GALNT1: variants seen among roughly 807,000 people sequenced by gnomAD.
The protein encoded by GALNT1 is GalNAc transferase 1.
Under a neutral mutation model 65.7 loss-of-function variants are expected in GALNT1, and 17 were observed. That is an observed-to-expected ratio of 0.26 (90% CI 0.18 to 0.39). GALNT1 has a LOEUF of 0.39. Among genes scored for constraint, GALNT1 ranks in the 10% least tolerant of loss-of-function variants. The probability of loss-of-function intolerance (pLI) is 1.00; values close to 1 mark genes in which losing one functional copy is unlikely to be tolerated. For synonymous variants in GALNT1, 210 were observed against 219.7 expected, an observed-to-expected ratio of 0.96 and a Z score of 0.39; for missense variants, 460 against 672.8, an observed-to-expected ratio of 0.68 and a Z score of 3.50.
At position 35,689,154 on chromosome 18, in the gene GALNT1, T is replaced by C; in HGVS notation, c.861-19T>C. On this transcript the variant is annotated intron_variant, in intron 6 of 11. Coordinates refer to ENST00000269195, the MANE Select transcript of GALNT1 (RefSeq NM_020474.4). ...TGTAAATTTTAAATTGCTAATGGTA[T>C]AGCATTATTGAATTTCAGGACACCT... 1 of 1,447,224 alleles carries C rather than the reference T, an allele frequency of 6.9e-7. No homozygotes were observed. The highest frequency in any genetic ancestry group is 9.7e-7 in the Non-Finnish European group (1 of 1,029,436). The allele number at this position is 1,447,224 out of a possible 1,614,324, so 89.6% of individuals were successfully genotyped here. A position where few individuals can be genotyped will look rare whatever the true frequency, so the allele number is the denominator to read the frequency against.
intron 1 of GALNT1, among the ~76,000 whole-genome samples, chr18:35,622,055 A>G (rs1276955723): frequency 6.6e-6 from 1 of 152,120 alleles, no homozygotes; most frequent in African/African-American, 2.4e-5. Context: ...TTGCTCTTCC[A>G]TGTAATTTTA....
At chr18:35,644,765 C>G (rs764451418) in intron 1 of GALNT1, among the ~76,000 whole-genome samples, 1 of 152,012 alleles carries the variant, frequency 6.6e-6, no homozygotes, top group Non-Finnish European at 1.5e-5. Context: ...CTGAGGCGGG[C>G]GTATCACTTC....
chr18:35,711,311 T>C lies in GALNT1; in HGVS notation c.*1541T>C, dbSNP rs2048347391. ...TCTTTTCTTTGATTATCAAGGACTT[T>C]CACTGCAGGCAGTGCTATTTCTTGT... On this transcript the variant is annotated 3_prime_UTR_variant, in exon 12 of 12. Transcript: ENST00000269195. 1 of 152,664 alleles carries C rather than the reference T, an allele frequency of 6.6e-6. No individual in the cohort carries two copies. The highest frequency in any genetic ancestry group is 6.5e-5 in the Admixed American group (1 of 15,288). 9.5% of individuals were successfully genotyped at this position (152,664 alleles called of 1,614,324 possible).
chr18:35,651,625 G>T (rs530328078), intron 1 of GALNT1, among the ~76,000 whole-genome samples: 20 of 152,190 alleles, frequency 1.3e-4, no homozygotes, highest in African/African-American at 4.8e-4. Context: ...ACTGAGCTTT[G>T]TGTGCCTTTT....
chr18:35,705,258 C>T (rs543716157), intron 11 of GALNT1, among the ~76,000 whole-genome samples: 36 of 152,264 alleles, frequency 2.4e-4, no homozygotes, highest in Admixed American at 9.8e-4. Context: ...CTTAAGAACC[C>T]AGCTTTGACA....
At chr18:35,626,510 T>C (rs1228589650) in intron 1 of GALNT1, among the ~76,000 whole-genome samples, 1 of 152,210 alleles carries the variant, frequency 6.6e-6, no homozygotes, top group Non-Finnish European at 1.5e-5. Flanking sequence ...CTTCATTTTT[T>C]TCTTGACAGG....
rs533591183 is a variant in GALNT1 at position 35,642,913 on chromosome 18, CTGCT to C, written c.-103-11644_-103-11641del. ...TGCTCTGCCACTCATCTGTATGTCTCTGCTTGGCCACATTGTTTTTGGCTGCAAG... is the reference window on the plus strand; with the variant it reads ...TGCTCTGCCACTCATCTGTATGTCTCTGGCCACATTGTTTTTGGCTGCAAG... On this transcript the variant is annotated intron_variant, in intron 1 of 11. Coordinates refer to ENST00000269195, the MANE Select transcript of GALNT1 (RefSeq NM_020474.4). Among the ~76,000 whole-genome samples, 37 of 152,114 alleles carry C rather than the reference CTGCT, an allele frequency of 2.4e-4. 1 individual carries two copies. In the East Asian group the frequency reaches 6.8e-3, roughly 28 times the overall value.
intron 1 of GALNT1, among the ~76,000 whole-genome samples, chr18:35,651,882 A>C (rs979669499): frequency 6.6e-6 from 1 of 152,048 alleles, no homozygotes; most frequent in Non-Finnish European, 1.5e-5. Context: ...CTTTTAAACA[A>C]CTCTTTAGAA....
rs1009597245 is a variant in GALNT1, at chr18:35,691,143, A to C, written c.1110A>C (p.Ala370=). 6 of 1,611,934 alleles carry C rather than the reference A, an allele frequency of 3.7e-6. No individual in the cohort carries two copies. The highest frequency in any genetic ancestry group is 3.4e-5 in the Admixed American group (2 of 59,486). ...TCAATAAAAATAACAGACGACTTGCAGAAGTGTGGATGGATGAATTCAAGA... is the reference window on the plus strand; with the variant it reads ...TCAATAAAAATAACAGACGACTTGCCGAAGTGTGGATGGATGAATTCAAGA... ...QIINKNNRRL[A]EVWMDEFKNF... Residue 370 remains alanine (A), a synonymous_variant, in exon 8 of 12, where the codon GCA becomes GCC. Transcript: ENST00000269195.
intron 6 of GALNT1, 121 bp downstream of exon 6, chr18:35,687,307 GTAGTTAACAGCCA>G: frequency 1.3e-6 from 1 of 792,774 alleles, no homozygotes; most frequent in Non-Finnish European, 1.9e-6. Context: ...ATACCTTATG[GTAGTTAACAGCCA>G]TCTTTCACAT....
chr18:35,621,554 T>TGG (rs1411735348), intron 1 of GALNT1, among the ~76,000 whole-genome samples: 7,282 of 139,076 alleles, frequency 0.052, 363 homozygotes, highest in African/African-American at 0.095. Flanking sequence ...TTGTTCATTA[T>TGG]CTGTATGTAT....
At chr18:35,609,185 C>G (rs1219453254) in intron 1 of GALNT1, among the ~76,000 whole-genome samples, 1 of 152,110 alleles carries the variant, frequency 6.6e-6, no homozygotes, top group Non-Finnish European at 1.5e-5. Context: ...AATCTTATCC[C>G]TCTTTACTTT....
At position 35,703,568 on chromosome 18, in the gene GALNT1, C is replaced by G; in HGVS notation, c.1458C>G (p.Ser486=). ...IRTDDLCLDV[S]KLNGPVTMLK... ...CAGATGACCTTTGCTTGGATGTTTC[C>G]AAACTTAATGGCCCAGTTACAATGC... The change falls in exon 11 of 12, where the codon TCC becomes TCG. Residue 486 remains serine (S), a synonymous_variant. Transcript: ENST00000269195. 1 of 1,613,888 alleles carries G rather than the reference C, an allele frequency of 6.2e-7. No homozygotes were observed. The highest frequency in any genetic ancestry group is 1.7e-4 in the Middle Eastern group (1 of 6,060).
chr18:35,608,871 A>G (rs563835178), intron 1 of GALNT1, among the ~76,000 whole-genome samples: 4 of 152,320 alleles, frequency 2.6e-5, no homozygotes, highest in Admixed American at 6.5e-5. Context: ...ATAACTAAGC[A>G]CTAGCCATCA....
At chr18:35,637,753 A>T (rs2047109655) in intron 1 of GALNT1, among the ~76,000 whole-genome samples, 1 of 152,192 alleles carries the variant, frequency 6.6e-6, no homozygotes, top group Admixed American at 6.6e-5. Flanking sequence ...ATGCCATCTA[A>T]GACTTTCATA....
intron 2 of GALNT1, among the ~76,000 whole-genome samples, chr18:35,663,178 T>G (rs1382342330): frequency 6.6e-6 from 1 of 152,174 alleles, no homozygotes; most frequent in African/African-American, 2.4e-5. Context: ...AGCAGGAGAA[T>G]GTGAGGCACG....
intron 1 of GALNT1, among the ~76,000 whole-genome samples, chr18:35,609,150 GC>G (rs1000595635): frequency 6.6e-6 from 1 of 152,140 alleles, no homozygotes; most frequent in Non-Finnish European, 1.5e-5. Flanking sequence ...GACCTAGCTT[GC>G]CACTGGTGGT....
intron 1 of GALNT1, among the ~76,000 whole-genome samples, chr18:35,644,066 C>T (rs1014558751): frequency 6.6e-6 from 1 of 152,114 alleles, no homozygotes; most frequent in Non-Finnish European, 1.5e-5. Flanking sequence ...TTGAAACATT[C>T]GAGCCAATAA....
chr18:35,674,383 G>T (rs1442135086), intron 3 of GALNT1, among the ~76,000 whole-genome samples: 4 of 152,128 alleles, frequency 2.6e-5, no homozygotes, highest in Non-Finnish European at 5.9e-5. Context: ...TGTTGTTGTG[G>T]GGGTGCTATT....
Sources: allele counts gnomAD v4.1 joint callset (sites outside exome capture counted in the v4.1 genomes callset), GRCh38; gene constraint gnomAD v4.1.1; transcripts MANE v1.5; gene names NCBI Gene and HGNC (gene_info 2026-07-23, HGNC 2026-07-21).